The following NXPE4 variants were observed in gnomAD, a reference collection of about 807,000 sequenced individuals.
The protein encoded by NXPE4 is NXPE family member 4.
NXPE4 carries 42 observed loss-of-function variants against 33.3 expected under a neutral mutation model. The ratio of observed to expected loss-of-function variants is 1.26; its 90% CI spans 0.98 to 1.63. NXPE4 has a LOEUF of 1.63. NXPE4 is among the 40% of genes most tolerant of loss of function. The pLI is 0.00. For missense variants in NXPE4, 709 were observed against 647.6 expected (o/e 1.09, Z -1.03); for synonymous variants, 253 against 234.9 (o/e 1.08, Z -0.71).
At chr11:114,625,278 G>T in the NXPE4 span, among the ~76,000 whole-genome samples, 5 of 152,158 alleles carry the variant, frequency 3.3e-5, no homozygotes, top group African/African-American at 1.2e-4. Context: ...AATACGAGTT[G>T]CCTCATGCGT....
chr11:114,625,724 C>T, the NXPE4 span, among the ~76,000 whole-genome samples: 26 of 152,098 alleles, frequency 1.7e-4, no homozygotes, highest in Non-Finnish European at 3.2e-4. Context: ...GCATGAGCGA[C>T]GCAGAAGGCA....
chr11:114,677,492 A>G, the NXPE4 span, among the ~76,000 whole-genome samples: 20 of 152,132 alleles, frequency 1.3e-4, no homozygotes, highest in African/African-American at 4.3e-4. Context: ...GCAGAGGAGA[A>G]GAACATGTCT....
the NXPE4 span, among the ~76,000 whole-genome samples, chr11:114,630,920 A>T: frequency 6.6e-6 from 1 of 151,846 alleles, no homozygotes. Flanking sequence ...AACACATGAA[A>T]AAATGCTCAC....
the NXPE4 span, among the ~76,000 whole-genome samples, chr11:114,652,090 A>AG: frequency 6.6e-6 from 1 of 151,844 alleles, no homozygotes; most frequent in Non-Finnish European, 1.5e-5. Flanking sequence ...CAATACTTAA[A>AG]TTTTTTTTTA....
the NXPE4 span, among the ~76,000 whole-genome samples, chr11:114,654,406 A>G: frequency 2.0e-5 from 3 of 151,858 alleles, no homozygotes; most frequent in African/African-American, 7.3e-5. Context: ...GGTTTGTTAC[A>G]TAGGTATATG....
chr11:114,650,935 T>C, the NXPE4 span, among the ~76,000 whole-genome samples: 1 of 152,038 alleles, frequency 6.6e-6, no homozygotes, highest in Admixed American at 6.6e-5. Flanking sequence ...CTAACAGAGA[T>C]GGCTGAGAGC....
At chr11:114,632,321 C>T in the NXPE4 span, among the ~76,000 whole-genome samples, 1 of 132,934 alleles carries the variant, frequency 7.5e-6, no homozygotes, top group Non-Finnish European at 1.6e-5. Context: ...TACTTATTAT[C>T]CACTGGGTAA....
Position 114,582,400 on chromosome 11 carries a change from C to G in NXPE4, c.718G>C (p.Gly240Arg). The G allele has an allele frequency of 6.2e-7, 1 of 1,614,186 alleles. No individual in the cohort carries two copies. The highest frequency in any genetic ancestry group is 8.5e-7 in the Non-Finnish European group (1 of 1,180,016). Residue 240 changes from glycine to arginine, a missense_variant, in exon 3 of 6, where the codon GGC becomes CGC. By Grantham distance (125) the Gly-to-Arg change is moderately radical (BLOSUM62 -2). Transcript: ENST00000375478. ...TGTTGAGGCCTCACACAGTAGAAGC[C>G]TTCTTGGTCTCTGTTGTCCAGGTAC... ...CQYLDNRDQE[G>R]FYCVRPQHMP... is the part of the protein sequence containing the mutation.
chr11:114,636,892 C>G, the NXPE4 span, among the ~76,000 whole-genome samples: 1 of 152,032 alleles, frequency 6.6e-6, no homozygotes, highest in Admixed American at 6.6e-5. Context: ...AGTATATGGT[C>G]AATTTTGGAA....
chr11:114,673,549 G>T, the NXPE4 span, among the ~76,000 whole-genome samples: 2 of 151,356 alleles, frequency 1.3e-5, no homozygotes, highest in Non-Finnish European at 3.0e-5. Flanking sequence ...CCTTTCAAAA[G>T]ACCAATAAAA....
At chr11:114,661,088 C>T in the NXPE4 span, among the ~76,000 whole-genome samples, 1 of 151,906 alleles carries the variant, frequency 6.6e-6, no homozygotes, top group South Asian at 2.1e-4. Flanking sequence ...AAACCATAAA[C>T]CATGATGAAA....
At chr11:114,654,310 G>A in the NXPE4 span, among the ~76,000 whole-genome samples, 2 of 151,862 alleles carry the variant, frequency 1.3e-5, no homozygotes, top group Non-Finnish European at 2.9e-5. Context: ...CCGGATCTCA[G>A]GAAAGTTGTT....
the NXPE4 span, among the ~76,000 whole-genome samples, chr11:114,632,579 T>C: frequency 1.8e-5 from 2 of 111,958 alleles, no homozygotes; most frequent in Non-Finnish European, 3.3e-5. Flanking sequence ...ATATATCATA[T>C]ATTTATTGTA....
At chr11:114,674,460 A>T in the NXPE4 span, among the ~76,000 whole-genome samples, 1 of 151,744 alleles carries the variant, frequency 6.6e-6, no homozygotes, top group Non-Finnish European at 1.5e-5. Context: ...AGTTGTTAGC[A>T]CTTTAAAATG....
rs556698266 is a variant in NXPE4 at position 114,592,531 on chromosome 11, TCA to T, written c.96+2131_96+2132del. On this transcript the variant is annotated intron_variant, in intron 2 of 5. Coordinates refer to ENST00000375478, the MANE Select transcript of NXPE4 (RefSeq NM_001077639.2). ...AATTGGAGAACACACACACACACAC[TCA>T]CACACACACACACAAAATAGATATT... is the stretch of plus-strand genomic sequence containing the variant. Among the ~76,000 whole-genome samples the T allele has an allele frequency of 8.8e-5, 13 of 148,228 alleles. No individual in the cohort carries two copies. The South Asian group carries it at 1.9e-3, about 22-fold the overall frequency.
the NXPE4 span, among the ~76,000 whole-genome samples, chr11:114,667,198 TC>T: frequency 6.6e-6 from 1 of 152,290 alleles, no homozygotes. Flanking sequence ...CTGGTTTTGT[TC>T]TTTTAGAAAT....
At chr11:114,608,433 G>A in the NXPE4 span, among the ~76,000 whole-genome samples, 125 of 150,550 alleles carry the variant, frequency 8.3e-4, no homozygotes, top group Middle Eastern at 3.5e-3. Context: ...GTGTTGCCTC[G>A]CAGGAAAGCA....
intron 5 of NXPE4, among the ~76,000 whole-genome samples, chr11:114,577,200 T>C (rs1180109649): frequency 6.7e-6 from 1 of 148,896 alleles, no homozygotes; most frequent in Non-Finnish European, 1.5e-5. Context: ...ACACACACAC[T>C]GTGGAATACT....
upstream of NXPE4, among the ~76,000 whole-genome samples, chr11:114,596,955 C>T (rs948137071): frequency 1.3e-5 from 2 of 152,168 alleles, no homozygotes; most frequent in Non-Finnish European, 2.9e-5. Flanking sequence ...AGCTTTGAAA[C>T]AGGGCTGAAT....
Sources: allele counts gnomAD v4.1 joint callset (sites outside exome capture counted in the v4.1 genomes callset), GRCh38; gene constraint gnomAD v4.1.1; transcripts MANE v1.5; gene names NCBI Gene and HGNC (gene_info 2026-07-23, HGNC 2026-07-21).